The following TENM2 variants were observed in gnomAD, a reference collection of about 807,000 sequenced individuals.
TENM2 encodes the protein teneurin-2.
In TENM2, 52 loss-of-function variants were observed where a neutral mutation model predicts 245.2. The ratio of observed to expected loss-of-function variants is 0.21; its 90% confidence interval spans 0.17 to 0.27. TENM2 has a LOEUF of 0.27. TENM2 is among the 10% of genes least tolerant of loss of function. The pLI, the probability that TENM2 is intolerant of heterozygous loss-of-function variation, is 1.00. For missense variants in TENM2, 3,046 were observed against 3,666.8 expected (o/e 0.83, Z 4.37); for synonymous variants, 1,363 against 1,438.9 (o/e 0.95, Z 1.19).
Position 167,630,022 on chromosome 5 carries a change from C to A in TENM2, c.503-245964C>A, listed in dbSNP as rs535887454. ...TACGTTTCAAGACTTCCAGTGGGTG[C>A]GGGAAATGGACAGTACCAAACCCTA... On this transcript the variant is annotated intron_variant, in intron 2 of 28. Coordinates refer to ENST00000518659, the Ensembl canonical transcript of TENM2. Among the ~76,000 whole-genome samples, 14 of 152,100 alleles carry A rather than the reference C, an allele frequency of 9.2e-5. No homozygotes were observed. The South Asian group carries it at 2.5e-3, about 27-fold the overall frequency.
chr5:167,413,565 A>G lies in TENM2; in HGVS notation c.502+38092A>G, dbSNP rs1482754684. 2.6e-5 allele frequency among the ~76,000 whole-genome samples: 4 copies of G among 152,140 alleles called. No homozygotes were observed. In the East Asian group the frequency reaches 7.7e-4, roughly 29 times the overall value. On this transcript the variant is annotated intron_variant, in intron 2 of 28. Transcript: ENST00000518659. ...CCTTTAAGGCTCACATACCTGAGGT[A>G]TTTATCCAAACACATTGTAGGTTTA...
intron 13 of TENM2, among the ~76,000 whole-genome samples, chr5:168,163,168 ACT>A (rs1757904285): frequency 6.6e-6 from 1 of 152,170 alleles, no homozygotes; most frequent in African/African-American, 2.4e-5. Context: ...TTGAGATGTC[ACT>A]CTACAGATGA....
the TENM2 span, among the ~76,000 whole-genome samples, chr5:167,247,160 C>A: frequency 6.6e-6 from 1 of 152,134 alleles, no homozygotes; most frequent in Non-Finnish European, 1.5e-5. Context: ...AACGCAAGAG[C>A]TAAATGAATT....
At chr5:167,294,288 C>T (rs536679045) in intron 1 of TENM2, 5 of 152,208 alleles carry the variant, frequency 3.3e-5, no homozygotes, top group African/African-American at 9.6e-5. Flanking sequence ...TCTCCATGTG[C>T]AGATGTCTAA....
chr5:166,984,928 T>C, the TENM2 span, among the ~76,000 whole-genome samples: 1 of 152,166 alleles, frequency 6.6e-6, no homozygotes, highest in African/African-American at 2.4e-5. Flanking sequence ...TAGTCTTTAT[T>C]TTTTAAAAAT....
chr5:167,920,711 T>G lies in TENM2; in HGVS notation c.713-31877T>G, dbSNP rs137985383. On this transcript the variant is annotated intron_variant, in intron 3 of 28. Coordinates refer to ENST00000518659, the Ensembl canonical transcript of TENM2. ...AATAATTGGGGGAGATCTTGAAACTTGACTACAGGCTTAACTGGGTAAGAC... is the reference window on the plus strand; with the variant it reads ...AATAATTGGGGGAGATCTTGAAACTGGACTACAGGCTTAACTGGGTAAGAC... Among the ~76,000 whole-genome samples, 596 of 152,264 alleles carry G rather than the reference T, an allele frequency of 3.9e-3. 7 individuals carry two copies. The highest frequency in any genetic ancestry group is 0.013 in the African/African-American group (557 of 41,542).
At chr5:167,037,013 T>A in the TENM2 span, among the ~76,000 whole-genome samples, 1 of 152,188 alleles carries the variant, frequency 6.6e-6, no homozygotes, top group East Asian at 1.9e-4. Flanking sequence ...CCGAATATAT[T>A]TTGCCATTTA....
At chr5:167,573,586 TTC>T (rs906755869) in intron 2 of TENM2, among the ~76,000 whole-genome samples, 7 of 151,912 alleles carry the variant, frequency 4.6e-5, no homozygotes, top group African/African-American at 1.4e-4. Context: ...TCGCTCATTG[TTC>T]TCTCTCTCCT....
intron 3 of TENM2, among the ~76,000 whole-genome samples, chr5:167,923,041 G>A (rs911011492): frequency 1.3e-5 from 2 of 152,170 alleles, no homozygotes; most frequent in African/African-American, 4.8e-5. Context: ...GAGGCCATGA[G>A]GGCCAGGTGC....
the TENM2 span, among the ~76,000 whole-genome samples, chr5:166,998,988 A>G: frequency 1.3e-5 from 2 of 151,230 alleles, no homozygotes; most frequent in African/African-American, 2.4e-5. Context: ...TCATACTGCT[A>G]TTATATTATA....
At chr5:167,615,033 C>T (rs1777705424) in intron 2 of TENM2, among the ~76,000 whole-genome samples, 3 of 152,144 alleles carry the variant, frequency 2.0e-5, no homozygotes, top group South Asian at 2.1e-4. Flanking sequence ...TTTATGTAAA[C>T]GAGGACTCTA....
intron 1 of TENM2, among the ~76,000 whole-genome samples, chr5:167,342,726 A>G (rs1758193190): frequency 6.6e-6 from 1 of 150,998 alleles, no homozygotes; most frequent in South Asian, 2.1e-4. Flanking sequence ...ACGGGGTTTC[A>G]CCTTGTTAGC....
At chr5:167,962,687 C>T (rs1385406847) in intron 4 of TENM2, among the ~76,000 whole-genome samples, 1 of 152,180 alleles carries the variant, frequency 6.6e-6, no homozygotes, top group Non-Finnish European at 1.5e-5. Context: ...CAAACACACT[C>T]TTCTTCAACA....
chr5:168,102,396 A>G (rs1334299421), intron 9 of TENM2, among the ~76,000 whole-genome samples: 1 of 152,234 alleles, frequency 6.6e-6, no homozygotes, highest in East Asian at 1.9e-4. Flanking sequence ...AAAAAGAACA[A>G]TGTCAAAACC....
chr5:167,003,380 A>G, the TENM2 span, among the ~76,000 whole-genome samples: 2 of 152,192 alleles, frequency 1.3e-5, no homozygotes, highest in Admixed American at 1.3e-4. Context: ...TGTAATTTGA[A>G]TAATTGGGGG....
the TENM2 span, among the ~76,000 whole-genome samples, chr5:167,007,221 T>C: frequency 2.0e-5 from 3 of 152,306 alleles, no homozygotes; most frequent in African/African-American, 7.2e-5. The surrounding 1 kb of genome is among the most constrained non-coding windows in gnomAD (Gnocchi z 4.2). Flanking sequence ...TTGCCTAGAA[T>C]GACTATGCTT....
At chr5:167,362,926 G>T (rs1339119090) in intron 1 of TENM2, among the ~76,000 whole-genome samples, 1 of 151,956 alleles carries the variant, frequency 6.6e-6, no homozygotes, top group Non-Finnish European at 1.5e-5. Flanking sequence ...TTATTGGTGT[G>T]TGTGTGTTTG....
chr5:167,705,544 G>A (rs1758447266), intron 2 of TENM2, among the ~76,000 whole-genome samples: 1 of 152,142 alleles, frequency 6.6e-6, no homozygotes, highest in African/African-American at 2.4e-5. Context: ...AGGTAAAAGA[G>A]GGTGTACAGT....
At chr5:168,190,316 G>A (rs929054958) in intron 13 of TENM2, 21 bp from the exon 16 acceptor site, 4 of 1,601,920 alleles carry the variant, frequency 2.5e-6, no homozygotes, top group South Asian at 1.1e-5. Context: ...GCTGACTCTG[G>A]CTCTGCCTCT....
Sources: allele counts gnomAD v4.1 joint callset (sites outside exome capture counted in the v4.1 genomes callset), GRCh38; gene constraint gnomAD v4.1.1; non-coding constraint Gnocchi (gnomAD v3.1); transcripts MANE v1.5; gene names NCBI Gene and HGNC (gene_info 2026-07-23, HGNC 2026-07-21).